GP2: variants seen among roughly 807,000 people sequenced by gnomAD.
GP2 encodes pancreatic secretory granule membrane major glycoprotein GP2.
GP2 carries 58 observed loss-of-function variants against 60.8 expected under a neutral mutation model. The ratio of observed to expected loss-of-function variants is 0.95; its 90% confidence interval spans 0.77 to 1.19. The LOEUF is 1.19. Ranked by LOEUF, GP2 falls within the 50% of genes most tolerant of loss-of-function variation. GP2 has a pLI of 0.00. For synonymous variants in GP2, 280 were observed against 253.4 expected (o/e 1.10, Z -1.00); for missense variants, 647 against 667.4 (o/e 0.97, Z 0.34).
At chr16:20,323,455 G>T (rs375270969) in intron 3 of GP2, 1 of 712,714 alleles carries the variant, frequency 1.4e-6, no homozygotes, top group Non-Finnish European at 2.6e-6. Flanking sequence ...GACATTGTGA[G>T]CATTATGTAT....
chr16:20,317,815 C>G (rs1964231817), intron 7 of GP2, among the ~76,000 whole-genome samples: 1 of 152,054 alleles, frequency 6.6e-6, no homozygotes, highest in African/African-American at 2.4e-5. Flanking sequence ...GCATTTTTCC[C>G]TTGTTTTTGT....
Position 20,318,107 on chromosome 16 carries a change from C to T in GP2, c.1253+78G>A. 8 of 1,176,328 alleles carry T rather than the reference C, an allele frequency of 6.8e-6. No homozygotes were observed. In the South Asian group the frequency reaches 1.0e-4, roughly 15 times the overall value. The allele number at this position is 1,176,328 out of a possible 1,614,324, so 72.9% of individuals were successfully genotyped here. On this transcript the variant is annotated intron_variant, in intron 7 of 10. Coordinates refer to ENST00000302555, the MANE Select transcript of GP2 (RefSeq NM_001502.4). ...ATGATATGTAGTACAACTTACACGT[C>T]TGCTGGGGATGGATGAGATGAACAC...
chr16:20,311,973 G>A (rs985820766), intron 10 of GP2, among the ~76,000 whole-genome samples: 1 of 152,204 alleles, frequency 6.6e-6, no homozygotes, highest in African/African-American at 2.4e-5. Flanking sequence ...AAACCTCTCT[G>A]CCTGTATTTT....
Position 20,323,977 on chromosome 16 carries a change from T to G in GP2, c.374A>C (p.His125Pro), listed in dbSNP as rs749921576. 6.2e-7 allele frequency: 1 copy of G among 1,614,110 alleles called. No individual in the cohort carries two copies. The highest frequency in any genetic ancestry group is 8.5e-7 in the Non-Finnish European group (1 of 1,179,998). Reference sequence around the variant, plus strand: ...GGTGATGCCATCCCCAAGGGCAGGGTGGGTCCCATTCAGCCACATGGGAGC... The same window carrying G: ...GGTGATGCCATCCCCAAGGGCAGGGGGGGTCCCATTCAGCCACATGGGAGC... ...TDAPMWLNGTHPALGDGITNH... is the reference protein window; with the variant it reads ...TDAPMWLNGTPPALGDGITNH... Residue 125 changes from histidine to proline, a missense_variant, in exon 3 of 11, where the codon CAC becomes CCC. Transcript: ENST00000302555.
intron 1 of GP2, chr16:20,326,742 A>G: frequency 3.6e-6 from 1 of 281,152 alleles, no homozygotes; most frequent in South Asian, 6.4e-5. Flanking sequence ...AGAAAAAGGG[A>G]TATGGTACCT....
rs1160855123 is a variant in GP2, at chr16:20,309,977, C to T, written c.*1246G>A. 1 of 152,202 alleles carries T rather than the reference C, an allele frequency of 6.6e-6. No homozygotes were observed. The highest frequency in any genetic ancestry group is 6.5e-5 in the Admixed American group (1 of 15,270). 9.4% of individuals were successfully genotyped at this position (152,202 alleles called of 1,614,324 possible). ...GTTCCTGATGTGTCTCTGAGGCCAA[C>T]TTTGCGAGGCCTTATCTGTAGCTGT... On this transcript the variant is annotated 3_prime_UTR_variant, in exon 11 of 11. Transcript: ENST00000302555.
chr16:20,313,309 T>G (rs553384622), intron 10 of GP2, among the ~76,000 whole-genome samples: 18 of 152,162 alleles, frequency 1.2e-4, no homozygotes, highest in Non-Finnish European at 2.2e-4. Flanking sequence ...GATATTTCTT[T>G]TATTAGTTAG....
intron 10 of GP2, among the ~76,000 whole-genome samples, chr16:20,314,455 C>T (rs1489785942): frequency 6.6e-6 from 1 of 151,998 alleles, no homozygotes; most frequent in Non-Finnish European, 1.5e-5. Flanking sequence ...TAGAAGAAGG[C>T]CTGGCACACA....
At chr16:20,318,581 G>A (rs1964256360) in intron 6 of GP2, 151 bp from the exon 7 acceptor site, 1 of 683,652 alleles carries the variant, frequency 1.5e-6, no homozygotes, top group Non-Finnish European at 2.5e-6. Context: ...GCATTTATTA[G>A]CTTCTAGGCA....
At chr16:20,313,242 T>G (rs1044031922) in intron 10 of GP2, among the ~76,000 whole-genome samples, 2 of 124,376 alleles carry the variant, frequency 1.6e-5, no homozygotes, top group African/African-American at 2.8e-5. Flanking sequence ...AAATGTTCTC[T>G]CTCTCTCTCT....
At chr16:20,320,000 A>G (rs1357860563) in intron 5 of GP2, among the ~76,000 whole-genome samples, 1 of 152,194 alleles carries the variant, frequency 6.6e-6, no homozygotes, top group Non-Finnish European at 1.5e-5. Flanking sequence ...CCTTGGGAAG[A>G]GTCAGGAACC....
Position 20,322,984 on chromosome 16 carries a change from G to A in GP2, c.536-5C>T, listed in dbSNP as rs755421361. The A allele has an allele frequency of 2.6e-6, 4 of 1,533,660 alleles. No homozygotes were observed. Among genetic ancestry groups the A allele is most frequent in the Non-Finnish European group, 3.6e-6 (4 of 1,107,042 alleles). On this transcript the variant is annotated splice_polypyrimidine_tract_variant and splice_region_variant and intron_variant, in intron 3 of 10. Coordinates refer to ENST00000302555, the MANE Select transcript of GP2 (RefSeq NM_001502.4). ...TGTCCTCCACAGTGGATGGGTCTAG[G>A]TGATGGGGCATGGAGAGAGAAGATC...
At chr16:20,317,430 T>A in intron 7 of GP2, 55 bp from the exon 8 acceptor site, 1 of 1,383,846 alleles carries the variant, frequency 7.2e-7, no homozygotes, top group Non-Finnish European at 1.0e-6. Context: ...GTGGAGAAAA[T>A]TAAAGAGTCC....
rs1355874138 is a variant in GP2 at position 20,318,275 on chromosome 16, G to A, written c.1163C>T (p.Thr388Ile). ...CCTCAACACCAGGTTAAACCGGGAG[G>A]TGTCCCCTTGTTCCAAGATGGCACC... is the stretch of plus-strand genomic sequence containing the variant. Reference protein sequence around the residue: ...YVGAILEQGDTSRFNLVLRNC... With the variant: ...YVGAILEQGDISRFNLVLRNC... The change falls in exon 7 of 11, where the codon ACC becomes ATC. Residue 388 changes from threonine to isoleucine, a missense_variant. Physicochemically the swap from Thr to Ile is moderately conservative, Grantham distance 89. Transcript: ENST00000302555. The A allele has an allele frequency of 9.3e-6, 15 of 1,612,966 alleles. No individual in the cohort carries two copies. In the South Asian group the frequency reaches 1.6e-4, roughly 18 times the overall value.
In GP2 at chr16:20,326,344, G is replaced by C. The variant is rs779406499; in HGVS notation, c.88C>G (p.Gln30Glu). Residue 30 changes from glutamine to glutamate, a missense_variant, in exon 2 of 11, where the codon CAG becomes GAG. Gln to Glu is a conservative substitution (Grantham distance 29). Coordinates refer to ENST00000302555, the MANE Select transcript of GP2 (RefSeq NM_001502.4). ...AGGTGAGCAGAATACTTACCTCGCTGCACTGCAGATGCCTGGGTCAGAATG... is the reference window on the plus strand; with the variant it reads ...AGGTGAGCAGAATACTTACCTCGCTCCACTGCAGATGCCTGGGTCAGAATG... ...SCILTQASAV[Q>E]RGYGNPIEAS... is the part of the protein sequence containing the mutation. 1.9e-6 allele frequency: 3 copies of C among 1,613,720 alleles called. No homozygotes were observed. The highest frequency in any genetic ancestry group is 1.3e-5 in the African/African-American group (1 of 75,026).
rs1567287793 is a variant in GP2, at chr16:20,317,521, G to T, written c.1254-146C>A. The T allele has an allele frequency of 4.6e-6, 3 of 645,324 alleles. No homozygotes were observed. The East Asian group carries it at 8.2e-5, about 18-fold the overall frequency. The allele number at this position is 645,324 out of a possible 1,614,324, so 40.0% of individuals were successfully genotyped here. A position where few individuals can be genotyped will look rare whatever the true frequency, so the allele number is the denominator to read the frequency against. On this transcript the variant is annotated intron_variant, in intron 7 of 10. Coordinates refer to ENST00000302555, the MANE Select transcript of GP2 (RefSeq NM_001502.4). ...AAGATGTTATCCATAAGCGCACATG[G>T]CTTAAATTATTTGAGGGCACAGTCT... is the stretch of plus-strand genomic sequence containing the variant.
rs993548813 is a variant in GP2 at position 20,311,049 on chromosome 16, G to A, written c.*174C>T. On this transcript the variant is annotated 3_prime_UTR_variant, in exon 11 of 11. Transcript: ENST00000302555. ...TGGGATTACAGGCATGAGCCACTGC[G>A]CCCAGCCGAGAGTTTTAAAGAAGGT... The A allele has an allele frequency of 2.4e-5, 12 of 508,242 alleles. No individual in the cohort carries two copies. The highest frequency in any genetic ancestry group is 7.9e-5 in the African/African-American group (4 of 50,408). 31.5% of individuals were successfully genotyped at this position (508,242 alleles called of 1,614,324 possible). A position where few individuals can be genotyped will look rare whatever the true frequency, so the allele number is the denominator to read the frequency against.
chr16:20,317,745 G>T (rs1964229877), intron 7 of GP2, among the ~76,000 whole-genome samples: 1 of 152,174 alleles, frequency 6.6e-6, no homozygotes, highest in Non-Finnish European at 1.5e-5. Flanking sequence ...ATGTGCCATA[G>T]CTCAATGACA....
chr16:20,317,612 A>C (rs1268719114), intron 7 of GP2, among the ~76,000 whole-genome samples: 1 of 152,216 alleles, frequency 6.6e-6, no homozygotes, highest in African/African-American at 2.4e-5. Context: ...GATTATGGGC[A>C]GGTTACTCAT....
Sources: gnomAD v4.1 joint callset for allele counts (sites outside exome capture counted in the v4.1 genomes callset) on GRCh38, gnomAD v4.1.1 for gene constraint, MANE v1.5 for transcripts, NCBI Gene and HGNC (gene_info 2026-07-23, HGNC 2026-07-21) for gene names.